The following KLF6 variants were observed in gnomAD, a reference collection of about 807,000 sequenced individuals.
KLF6 encodes KLF transcription factor 6, also known as Krueppel-like factor 6.
For synonymous variants in KLF6, 152 were observed against 147.9 expected (o/e 1.03, Z -0.20); for missense variants, 233 against 359.8 (o/e 0.65, Z 2.85).
rs201375337 is a variant in KLF6, at chr10:3,777,917, TG to T, written c.*1621del. On this transcript the variant is annotated 3_prime_UTR_variant, in exon 4 of 4. Coordinates refer to ENST00000497571, the MANE Select transcript of KLF6 (RefSeq NM_001300.6). ...GCCTTTTAAGCAAATACATTAACAT[TG>T]GGGGTTTTTTAATACTTCTGTATCT... 6.1e-6 allele frequency: 3 copies of T among 494,170 alleles called. No individual in the cohort carries two copies. Among genetic ancestry groups the T allele is most frequent in the South Asian group, 1.6e-5 (1 of 63,902 alleles). 30.6% of individuals were successfully genotyped at this position (494,170 alleles called of 1,614,324 possible). A position where few individuals can be genotyped will look rare whatever the true frequency, so the allele number is the denominator to read the frequency against.
At chr10:3,783,049 T>A (rs189358208) in intron 1 of KLF6, among the ~76,000 whole-genome samples, 1 of 152,208 alleles carries the variant, frequency 6.6e-6, no homozygotes, top group Non-Finnish European at 1.5e-5. Context: ...AAGAACTTTA[T>A]CTACTGGCCA....
At position 3,780,976 on chromosome 10, in the gene KLF6, C is replaced by G. The variant is rs1226892124; in HGVS notation, c.676+665G>C. On this transcript the variant is annotated intron_variant, in intron 2 of 3. Transcript: ENST00000497571. This position sits in a 1 kb window ranked among gnomAD's most constrained non-coding sequence, Gnocchi z 4.6. ...AAGAGAAGAGCCTGCATCACGTGAT[C>G]ACTAAGACCCTTCCCAGTTCTAAAT... is the stretch of plus-strand genomic sequence containing the variant. The G allele has an allele frequency of 6.2e-6, 1 of 161,822 alleles. No homozygotes were observed. The highest frequency in any genetic ancestry group is 1.4e-5 in the Non-Finnish European group (1 of 73,106). 10.0% of individuals were successfully genotyped at this position (161,822 alleles called of 1,614,324 possible).
rs1475779971 is a variant in KLF6, at chr10:3,777,617, C to G, written c.*1922G>C. The G allele has an allele frequency of 2.0e-6, 1 of 503,182 alleles. No individual in the cohort carries two copies. Among genetic ancestry groups the G allele is most frequent in the Non-Finnish European group, 3.9e-6 (1 of 256,854 alleles). 31.2% of individuals were successfully genotyped at this position (503,182 alleles called of 1,614,324 possible). A position where few individuals can be genotyped will look rare whatever the true frequency, so the allele number is the denominator to read the frequency against. ...GCACATCGTTAAATTAAAGATAAAG[C>G]CTCTATAAAAGTTAGGTTATGGTTT... On this transcript the variant is annotated 3_prime_UTR_variant, in exon 4 of 4. Transcript: ENST00000497571.
rs1832507227 is a variant in KLF6, at chr10:3,781,097, A to C, written c.676+544T>G. 1 of 186,310 alleles carries C rather than the reference A, an allele frequency of 5.4e-6. No individual in the cohort carries two copies. Among genetic ancestry groups the C allele is most frequent in the Admixed American group, 5.6e-5 (1 of 17,744 alleles). The allele number at this position is 186,310 out of a possible 1,614,324, so 11.5% of individuals were successfully genotyped here. ...TGGCATTTCATTAAGAAACTGTTTC[A>C]AGCGGTATCAGAAACAAAGGCTGCA... is the stretch of plus-strand genomic sequence containing the variant. On this transcript the variant is annotated intron_variant, in intron 2 of 3. Coordinates refer to ENST00000497571, the MANE Select transcript of KLF6 (RefSeq NM_001300.6). This position sits in a 1 kb window ranked among gnomAD's most constrained non-coding sequence, Gnocchi z 5.8.
In KLF6 at chr10:3,777,688, G is replaced by C. The variant is rs1364859182; in HGVS notation, c.*1851C>G. The C allele has an allele frequency of 2.2e-6, 1 of 454,818 alleles. No homozygotes were observed. The highest frequency in any genetic ancestry group is 1.7e-5 in the South Asian group (1 of 58,248). 28.2% of individuals were successfully genotyped at this position (454,818 alleles called of 1,614,324 possible). A position where few individuals can be genotyped will look rare whatever the true frequency, so the allele number is the denominator to read the frequency against. On this transcript the variant is annotated 3_prime_UTR_variant, in exon 4 of 4. Transcript: ENST00000497571. Reference sequence around the variant, plus strand: ...GCCATTTTGAAATATTTCTTCACAGGCTGTGGAATTTTCTAGCTAAACATT... The same window carrying C: ...GCCATTTTGAAATATTTCTTCACAGCCTGTGGAATTTTCTAGCTAAACATT...
At position 3,777,922 on chromosome 10, in the gene KLF6, GTTTT is replaced by G; in HGVS notation, c.*1613_*1616del. ...TTAAGCAAATACATTAACATTGGGG[GTTTT>G]TTAATACTTCTGTATCTTTAATATG... On this transcript the variant is annotated 3_prime_UTR_variant, in exon 4 of 4. Coordinates refer to ENST00000497571, the MANE Select transcript of KLF6 (RefSeq NM_001300.6). 2.0e-6 allele frequency: 1 copy of G among 492,464 alleles called. No individual in the cohort carries two copies. The highest frequency in any genetic ancestry group is 5.8e-4 in the Middle Eastern group (1 of 1,716). The allele number at this position is 492,464 out of a possible 1,614,324, so 30.5% of individuals were successfully genotyped here.
Position 3,781,894 on chromosome 10 carries a change from G to A in KLF6, c.423C>T (p.Ser141=). The A allele has an allele frequency of 1.2e-5, 20 of 1,614,220 alleles. No homozygotes were observed. The highest frequency in any genetic ancestry group is 1.7e-5 in the Non-Finnish European group (20 of 1,180,048). The change falls in exon 2 of 4, where the codon AGC becomes AGT. Residue 141 remains serine (S), a synonymous_variant. Transcript: ENST00000497571. This position sits in a 1 kb window ranked among gnomAD's most constrained non-coding sequence, Gnocchi z 5.8. ...GEVLVSSGKL[S]SSVTSTPPSS... Reference sequence around the variant, plus strand: ...ATGGAGGCGTGGAGGTGACAGAGGAGCTCAATTTTCCCGAGCTGACCAAAA... The same window carrying A: ...ATGGAGGCGTGGAGGTGACAGAGGAACTCAATTTTCCCGAGCTGACCAAAA...
Position 3,777,319 on chromosome 10 carries a change from G to C in KLF6, c.*2220C>G, listed in dbSNP as rs1832411066. ...TGCCAATTCGGGGAAATTACTCCTT[G>C]GAAAAACTGGAAGAATCTACTTGCT... On this transcript the variant is annotated 3_prime_UTR_variant, in exon 4 of 4. Coordinates refer to ENST00000497571, the MANE Select transcript of KLF6 (RefSeq NM_001300.6). 1 of 512,398 alleles carries C rather than the reference G, an allele frequency of 2.0e-6. No individual in the cohort carries two copies. Among genetic ancestry groups the C allele is most frequent in the Non-Finnish European group, 3.8e-6 (1 of 262,272 alleles). The allele number at this position is 512,398 out of a possible 1,614,324, so 31.7% of individuals were successfully genotyped here.
In KLF6 at chr10:3,778,624, G is replaced by GA. The variant is rs891275616; in HGVS notation, c.*914dup. ...AGGGGAGTGTTACAAACTTGGAGGGGAAAAAAAATTGTATATTGCCAGGCC... is the reference window on the plus strand; with the variant it reads ...AGGGGAGTGTTACAAACTTGGAGGGGAAAAAAAAATTGTATATTGCCAGGCC... On this transcript the variant is annotated 3_prime_UTR_variant, in exon 4 of 4. Transcript: ENST00000497571. 1.2e-5 allele frequency: 6 copies of GA among 510,878 alleles called. No individual in the cohort carries two copies. The highest frequency in any genetic ancestry group is 4.1e-5 in the East Asian group (1 of 24,268). 31.6% of individuals were successfully genotyped at this position (510,878 alleles called of 1,614,324 possible).
chr10:3,784,773 G>T, intron 1 of KLF6, 140 bp downstream of exon 1: 2 of 745,170 alleles, frequency 2.7e-6, no homozygotes, highest in South Asian at 2.3e-5. Flanking sequence ...ATCGATCGGC[G>T]GGGGCGCTGC....
chr10:3,780,011 CT>C lies in KLF6; in HGVS notation c.800+94del. ...TGTTCACACATAGGAAACTGCATGCCTTCCTTCGAATGTGCCCTGCACACCT... is the reference window on the plus strand; with the variant it reads ...TGTTCACACATAGGAAACTGCATGCCTCCTTCGAATGTGCCCTGCACACCT... On this transcript the variant is annotated intron_variant, in intron 3 of 3. Transcript: ENST00000497571. The surrounding 1 kb of genome is among the most constrained non-coding windows in gnomAD (Gnocchi z 4.6). 2.0e-6 allele frequency: 3 copies of C among 1,491,228 alleles called. No homozygotes were observed. The South Asian group carries it at 3.4e-5, about 17-fold the overall frequency. The allele number at this position is 1,491,228 out of a possible 1,614,324, so 92.4% of individuals were successfully genotyped here. A position where few individuals can be genotyped will look rare whatever the true frequency, so the allele number is the denominator to read the frequency against.
At position 3,781,809 on chromosome 10, in the gene KLF6, G is replaced by A; in HGVS notation, c.508C>T (p.Pro170Ser). The A allele has an allele frequency of 6.2e-7, 1 of 1,614,224 alleles. No homozygotes were observed. Among genetic ancestry groups the A allele is most frequent in the Non-Finnish European group, 8.5e-7 (1 of 1,180,044 alleles). Residue 170 changes from proline to serine, a missense_variant, in exon 2 of 4, where the codon CCC (proline) becomes TCC (serine). Physicochemically the swap from Pro to Ser is moderately conservative, Grantham distance 74. Transcript: ENST00000497571. This position sits in a 1 kb window ranked among gnomAD's most constrained non-coding sequence, Gnocchi z 5.8. ...QLWGCVPGEL[P>S]SPGKVRSGTS... ...CCGCTGCGCACCTTCCCTGGCGAGG[G>A]CAGCTCCCCGGGCACGCAACCCCAC...
At position 3,776,678 on chromosome 10, in the gene KLF6, A is replaced by C. The variant is rs1211551955; in HGVS notation, c.*2861T>G. The C allele has an allele frequency of 2.1e-6, 1 of 479,324 alleles. No individual in the cohort carries two copies. The highest frequency in any genetic ancestry group is 1.7e-5 in the South Asian group (1 of 57,330). 29.7% of individuals were successfully genotyped at this position (479,324 alleles called of 1,614,324 possible). On this transcript the variant is annotated 3_prime_UTR_variant, in exon 4 of 4. Transcript: ENST00000497571. ...AAAATTTTACAAAAATCTTACAAAG[A>C]TTCTTTAGATAACAGGGTGCTTCCA...
chr10:3,780,060 C>A lies in KLF6; in HGVS notation c.800+46G>T. 1 of 1,612,690 alleles carries A rather than the reference C, an allele frequency of 6.2e-7. No individual in the cohort carries two copies. The highest frequency in any genetic ancestry group is 8.5e-7 in the Non-Finnish European group (1 of 1,179,260). Reference sequence around the variant, plus strand: ...CCTACTCAACCCTGGTCATCACATTCCCAAGGCCCCACGCTCCTTGCCCAG... The same window carrying A: ...CCTACTCAACCCTGGTCATCACATTACCAAGGCCCCACGCTCCTTGCCCAG... On this transcript the variant is annotated intron_variant, in intron 3 of 3. Coordinates refer to ENST00000497571, the MANE Select transcript of KLF6 (RefSeq NM_001300.6). This position sits in a 1 kb window ranked among gnomAD's most constrained non-coding sequence, Gnocchi z 4.6.
intron 1 of KLF6, among the ~76,000 whole-genome samples, chr10:3,784,248 A>G (rs1832596799): frequency 6.6e-6 from 1 of 152,180 alleles, no homozygotes; most frequent in African/African-American, 2.4e-5. Flanking sequence ...TTCTACGACA[A>G]TGTCGGAAAC....
In KLF6 at chr10:3,776,185, G is replaced by A; in HGVS notation, c.*3354C>T. The stretch of plus-strand genomic sequence containing the variant: ...AGCTGCGGAACTGGAGCAGGCTGTG[G>A]AGGCACAGAAGTGGCAGGGAAACAC... On this transcript the variant is annotated 3_prime_UTR_variant, in exon 4 of 4. Coordinates refer to ENST00000497571, the MANE Select transcript of KLF6 (RefSeq NM_001300.6). The A allele has an allele frequency of 1.9e-6, 1 of 531,838 alleles. No individual in the cohort carries two copies. Among genetic ancestry groups the A allele is most frequent in the Non-Finnish European group, 3.6e-6 (1 of 274,732 alleles). 32.9% of individuals were successfully genotyped at this position (531,838 alleles called of 1,614,324 possible). A position where few individuals can be genotyped will look rare whatever the true frequency, so the allele number is the denominator to read the frequency against.
intron 1 of KLF6, chr10:3,783,188 G>C (rs1419410209): frequency 6.6e-6 from 1 of 152,110 alleles, no homozygotes; most frequent in Non-Finnish European, 1.5e-5. Context: ...GGCATGGACA[G>C]TACCCCTTCC....
At position 3,777,667 on chromosome 10, in the gene KLF6, T is replaced by C. The variant is rs1832421512; in HGVS notation, c.*1872A>G. 2.1e-6 allele frequency: 1 copy of C among 478,184 alleles called. No homozygotes were observed. The highest frequency in any genetic ancestry group is 2.0e-5 in the African/African-American group (1 of 51,018). The allele number at this position is 478,184 out of a possible 1,614,324, so 29.6% of individuals were successfully genotyped here. A position where few individuals can be genotyped will look rare whatever the true frequency, so the allele number is the denominator to read the frequency against. ...TTCATTTTTACCTCCTTTATGGCCA[T>C]TTTGAAATATTTCTTCACAGGCTGT... On this transcript the variant is annotated 3_prime_UTR_variant, in exon 4 of 4. Transcript: ENST00000497571.
At position 3,777,123 on chromosome 10, in the gene KLF6, C is replaced by G. The variant is rs1379973253; in HGVS notation, c.*2416G>C. On this transcript the variant is annotated 3_prime_UTR_variant, in exon 4 of 4. Coordinates refer to ENST00000497571, the MANE Select transcript of KLF6 (RefSeq NM_001300.6). ...TTTCTTAGGTAAATGTATTCATCAG[C>G]CCAGATAAAAAAAAAACCAGTTATG... The G allele has an allele frequency of 2.0e-6, 1 of 499,092 alleles. No individual in the cohort carries two copies. Among genetic ancestry groups the G allele is most frequent in the African/African-American group, 1.9e-5 (1 of 52,004 alleles). The allele number at this position is 499,092 out of a possible 1,614,324, so 30.9% of individuals were successfully genotyped here.
Sources: gnomAD v4.1 joint callset for allele counts (sites outside exome capture counted in the v4.1 genomes callset) on GRCh38, gnomAD v4.1.1 for gene constraint, Gnocchi (gnomAD v3.1) non-coding constraint, MANE v1.5 for transcripts, NCBI Gene and HGNC (gene_info 2026-07-23, HGNC 2026-07-21) for gene names.